The following PDE1C variants were observed in gnomAD, a reference collection of about 807,000 sequenced individuals.
PDE1C encodes the protein phosphodiesterase 1C.
PDE1C carries 62 observed loss-of-function variants against 93.1 expected under a neutral mutation model. The observed-to-expected ratio is 0.67, with a 90% CI of 0.54 to 0.82. The LOEUF (loss-of-function observed/expected upper bound fraction) is 0.82, where lower values mean the gene tolerates loss of function less well. PDE1C is among the 40% of genes least tolerant of loss of function. The probability of loss-of-function intolerance (pLI) is 0.00; values close to 1 mark genes in which losing one functional copy is unlikely to be tolerated. For missense variants in PDE1C, 742 were observed against 884.6 expected (o/e 0.84, Z 2.04); for synonymous variants, 325 against 310.1 (o/e 1.05, Z -0.50).
At chr7:31,669,549 A>G in the PDE1C span, among the ~76,000 whole-genome samples, 1 of 152,186 alleles carries the variant, frequency 6.6e-6, no homozygotes, top group East Asian at 1.9e-4. Flanking sequence ...CTCTTTCCAC[A>G]CTAATTCCCT....
At chr7:32,300,293 C>T (rs980395272), upstream of PDE1C, among the ~76,000 whole-genome samples, 4 of 152,196 alleles carry the variant, frequency 2.6e-5, no homozygotes, top group Non-Finnish European at 5.9e-5. Context: ...TAAATTCTCT[C>T]AGGAAAGACC....
chr7:31,636,758 A>C, the PDE1C span, among the ~76,000 whole-genome samples: 1 of 151,266 alleles, frequency 6.6e-6, no homozygotes, highest in South Asian at 2.1e-4. Flanking sequence ...TTTAAGTTTT[A>C]GGGTACATGT....
intron 3 of PDE1C, among the ~76,000 whole-genome samples, chr7:32,104,244 C>T (rs1025598903): frequency 2.0e-5 from 3 of 152,058 alleles, no homozygotes; most frequent in Non-Finnish European, 4.4e-5. Flanking sequence ...AAAGTTCGGA[C>T]CAGAACTAGA....
intron 17 of PDE1C, among the ~76,000 whole-genome samples, chr7:31,754,213 A>C (rs1043995975): frequency 2.0e-5 from 3 of 152,218 alleles, no homozygotes; most frequent in Non-Finnish European, 2.9e-5. Context: ...CACAATGCTA[A>C]AATCTAAAAA....
intron 3 of PDE1C, among the ~76,000 whole-genome samples, chr7:32,081,348 C>A (rs1445016538): frequency 6.6e-6 from 1 of 152,202 alleles, no homozygotes; most frequent in Non-Finnish European, 1.5e-5. Context: ...ATCAATGAGT[C>A]TCTTTTTAAG....
At chr7:31,809,472 T>C (rs1787283505) in intron 15 of PDE1C, among the ~76,000 whole-genome samples, 2 of 152,086 alleles carry the variant, frequency 1.3e-5, no homozygotes, top group Non-Finnish European at 2.9e-5. Context: ...ATCTGTAAAA[T>C]GGGTATGTTA....
chr7:32,207,368 A>G (rs1805657128), intron 2 of PDE1C, among the ~76,000 whole-genome samples: 1 of 151,092 alleles, frequency 6.6e-6, no homozygotes. Context: ...AAAAAAAAAA[A>G]AAAACTTATC....
At chr7:31,722,227 T>C in the PDE1C span, among the ~76,000 whole-genome samples, 1 of 152,172 alleles carries the variant, frequency 6.6e-6, no homozygotes. Flanking sequence ...CCCCCATCTT[T>C]AGTTGCTATT....
At chr7:31,636,040 G>A in the PDE1C span, among the ~76,000 whole-genome samples, 2 of 152,112 alleles carry the variant, frequency 1.3e-5, no homozygotes, top group Non-Finnish European at 2.9e-5. Context: ...TTTTTCACAG[G>A]GCAGCAGGAG....
chr7:31,704,975 G>T, the PDE1C span, among the ~76,000 whole-genome samples: 1 of 152,048 alleles, frequency 6.6e-6, no homozygotes, highest in Non-Finnish European at 1.5e-5. Flanking sequence ...CTGACTTAAG[G>T]CTCATCCTAA....
chr7:31,984,428 G>A (rs1426343421), intron 2 of PDE1C, among the ~76,000 whole-genome samples: 2 of 152,156 alleles, frequency 1.3e-5, no homozygotes, highest in Non-Finnish European at 2.9e-5. Context: ...AAAAGTTGGA[G>A]ACTGCTGGGC....
intron 1 of PDE1C, among the ~76,000 whole-genome samples, chr7:32,055,444 A>T (rs948241464): frequency 6.6e-6 from 1 of 152,200 alleles, no homozygotes. Flanking sequence ...TTGCCTAAGG[A>T]TACAGAACCT....
At chr7:31,905,645 T>C (rs1800502699) in intron 2 of PDE1C, among the ~76,000 whole-genome samples, 1 of 152,196 alleles carries the variant, frequency 6.6e-6, no homozygotes, top group African/African-American at 2.4e-5. Flanking sequence ...ATAGGTTAGA[T>C]GAATAATGAA....
At chr7:31,633,081 T>A in the PDE1C span, among the ~76,000 whole-genome samples, 5 of 152,072 alleles carry the variant, frequency 3.3e-5, no homozygotes, top group Admixed American at 2.0e-4. Context: ...AAGACAGGGT[T>A]TCACCATGTT....
chr7:31,893,465 G>A (rs2128904554), intron 2 of PDE1C: 1 of 983,794 alleles, frequency 1.0e-6, no homozygotes, highest in Non-Finnish European at 1.2e-6. Context: ...AAGAAGAATT[G>A]GGAAGACTTA....
At chr7:32,037,211 C>G (rs1243569359) in intron 2 of PDE1C, among the ~76,000 whole-genome samples, 1 of 152,074 alleles carries the variant, frequency 6.6e-6, no homozygotes, top group Admixed American at 6.6e-5. Flanking sequence ...TTGAAATGGG[C>G]CATTCTGACA....
intron 3 of PDE1C, among the ~76,000 whole-genome samples, chr7:32,141,631 A>C (rs1371169061): frequency 6.6e-6 from 1 of 152,228 alleles, no homozygotes; most frequent in African/African-American, 2.4e-5. Context: ...CAAAGGAAAG[A>C]AAGACTGAGA....
intron 14 of PDE1C, chr7:31,820,969 A>T (rs1484289155): frequency 5.7e-5 from 8 of 141,336 alleles, no homozygotes; most frequent in Admixed American, 5.1e-4. Context: ...GTCTCAAAGA[A>T]CCTATCTGAA....
At chr7:31,814,481 T>A (rs1339165874) in intron 15 of PDE1C, among the ~76,000 whole-genome samples, 2 of 152,018 alleles carry the variant, frequency 1.3e-5, no homozygotes, top group Non-Finnish European at 2.9e-5. Flanking sequence ...ATATAAGCTA[T>A]CATTATTATT....
Sources: allele counts gnomAD v4.1 joint callset (sites outside exome capture counted in the v4.1 genomes callset), GRCh38; gene constraint gnomAD v4.1.1; transcripts MANE v1.5; gene names NCBI Gene and HGNC (gene_info 2026-07-23, HGNC 2026-07-21).